MAP2: variants seen among roughly 807,000 people sequenced by gnomAD.
MAP2 encodes microtubule associated protein 2, also known as microtubule-associated protein 2.
A neutral mutation model predicts 137.6 loss-of-function variants in MAP2; 14 were observed. The ratio of observed to expected loss-of-function variants is 0.10; its 90% CI spans 0.07 to 0.16. The LOEUF (loss-of-function observed/expected upper bound fraction) is 0.16, where lower values mean the gene tolerates loss of function less well. Ranked by LOEUF, MAP2 falls within the 10% of genes least tolerant of loss-of-function variation. The pLI, the probability that MAP2 is intolerant of heterozygous loss-of-function variation, is 1.00. For synonymous variants in MAP2, 786 were observed against 782.3 expected, an observed-to-expected ratio of 1.00 and a Z score of -0.08; for missense variants, 2,088 against 2,191.5, an observed-to-expected ratio of 0.95 and a Z score of 0.94.
intron 5 of MAP2, among the ~76,000 whole-genome samples, chr2:209,663,329 G>T (rs1490116096): frequency 6.6e-6 from 1 of 152,124 alleles, no homozygotes; most frequent in Non-Finnish European, 1.5e-5. Context: ...TTGCAGACCT[G>T]GTAGCTTCAG....
Position 209,455,308 on chromosome 2 carries a change from TA to T in MAP2, c.-222+31033del, listed in dbSNP as rs149425597. ...GATAATCTGTCCAAGGTCACACAGA[TA>T]GTAAGTAATAAAGTTAGAATTTTAT... On this transcript the variant is annotated intron_variant, in intron 1 of 15. Transcript: ENST00000682079. Among the ~76,000 whole-genome samples the T allele has an allele frequency of 6.8e-3, 1,040 of 152,330 alleles. 29 individuals are homozygous for T. In the East Asian group the frequency reaches 0.081, roughly 12 times the overall value.
intron 4 of MAP2, among the ~76,000 whole-genome samples, chr2:209,648,570 G>C (rs1282006728): frequency 2.9e-5 from 4 of 137,604 alleles, no homozygotes; most frequent in Non-Finnish European, 4.6e-5. Flanking sequence ...GCTTTTCAGG[G>C]AAGAGAAATA....
rs1279006107 is a variant in MAP2, at chr2:209,653,405, C to G, written c.235C>G (p.Leu79Val). ...CAAAGAGAATGGGATCAACGGAGAGCTGACCTCAGCTGACAGAGAAACAGC... is the reference window on the plus strand; with the variant it reads ...CAAAGAGAATGGGATCAACGGAGAGGTGACCTCAGCTGACAGAGAAACAGC... Reference protein sequence around the residue: ...NTKENGINGELTSADRETAEE... With the variant: ...NTKENGINGEVTSADRETAEE... The change falls in exon 5 of 16, where the codon CTG becomes GTG. Residue 79 changes from leucine (L) to valine (V), a missense_variant. By Grantham distance (32) the Leu-to-Val change is conservative. This residue lies in a region of MAP2 where 859 missense variants were observed against 794.5 expected (regional missense o/e 1.08). Transcript: ENST00000682079. 1.2e-6 allele frequency: 2 copies of G among 1,603,684 alleles called. No individual in the cohort carries two copies. The highest frequency in any genetic ancestry group is 2.7e-5 in the African/African-American group (2 of 74,660).
At chr2:209,498,762 C>G (rs2150086332) in intron 1 of MAP2, among the ~76,000 whole-genome samples, 1 of 152,316 alleles carries the variant, frequency 6.6e-6, no homozygotes. Context: ...CAGGCTGCAG[C>G]CAGAGCTTCC....
At chr2:209,512,754 G>A (rs1335085818) in intron 2 of MAP2, among the ~76,000 whole-genome samples, 1 of 152,028 alleles carries the variant, frequency 6.6e-6, no homozygotes, top group African/African-American at 2.4e-5. Flanking sequence ...TGATTCTCCT[G>A]CCTCAGCCTC....
chr2:209,625,234 G>A (rs528993817), intron 4 of MAP2, 105 bp downstream of exon 4: 78 of 152,114 alleles, frequency 5.1e-4, no homozygotes, highest in African/African-American at 1.6e-3. Context: ...ATTCATTTTA[G>A]TAATGGAGAA....
chr2:209,488,131 G>A (rs2058621004), intron 1 of MAP2, among the ~76,000 whole-genome samples: 1 of 152,176 alleles, frequency 6.6e-6, no homozygotes, highest in South Asian at 2.1e-4. Flanking sequence ...AGCCCATGGA[G>A]GTCGAGCAGA....
At chr2:209,727,168 A>G (rs578099830) in intron 14 of MAP2, among the ~76,000 whole-genome samples, 2 of 152,356 alleles carry the variant, frequency 1.3e-5, no homozygotes, top group East Asian at 3.9e-4. Flanking sequence ...CTTCACTTAC[A>G]GTTTCAGAAC....
chr2:209,544,585 T>C (rs1038545763), intron 2 of MAP2, among the ~76,000 whole-genome samples: 3 of 152,202 alleles, frequency 2.0e-5, no homozygotes, highest in African/African-American at 7.2e-5. Context: ...AGCAAGTCAT[T>C]TTACCGATGA....
At chr2:209,723,618 C>T (rs373777510) in intron 13 of MAP2, 114 of 1,613,000 alleles carry the variant, frequency 7.1e-5, no homozygotes, top group East Asian at 8.9e-5. Context: ...ACAAGAAGAT[C>T]GATTTTAGCA....
At chr2:209,712,398 G>A (rs2065805123) in intron 13 of MAP2, among the ~76,000 whole-genome samples, 1 of 152,106 alleles carries the variant, frequency 6.6e-6, no homozygotes, top group Admixed American at 6.5e-5. Context: ...AGTGTCATTT[G>A]AAGCAAATAT....
At chr2:209,662,179 C>T (rs2043971251) in intron 5 of MAP2, among the ~76,000 whole-genome samples, 1 of 152,178 alleles carries the variant, frequency 6.6e-6, no homozygotes. Flanking sequence ...TTGTGAAGAG[C>T]AAGGCTCTAT....
intron 3 of MAP2, among the ~76,000 whole-genome samples, chr2:209,618,741 A>G (rs1280620233): frequency 6.6e-6 from 1 of 152,172 alleles, no homozygotes; most frequent in Non-Finnish European, 1.5e-5. Context: ...CAAAAAATTA[A>G]AAATAGAACT....
At chr2:209,683,391 G>C (rs2055608910) in intron 7 of MAP2, among the ~76,000 whole-genome samples, 1 of 151,816 alleles carries the variant, frequency 6.6e-6, no homozygotes, top group Admixed American at 6.6e-5. Flanking sequence ...ACCATTTTTT[G>C]AGTTTTAAGA....
At chr2:209,604,898 G>T (rs1160190980) in intron 3 of MAP2, among the ~76,000 whole-genome samples, 1 of 151,938 alleles carries the variant, frequency 6.6e-6, no homozygotes, top group Non-Finnish European at 1.5e-5. Flanking sequence ...AATTCTAATG[G>T]CCTCCCCATA....
intron 2 of MAP2, among the ~76,000 whole-genome samples, chr2:209,551,569 G>A (rs767508321): frequency 4.6e-5 from 7 of 152,134 alleles, no homozygotes; most frequent in Non-Finnish European, 1.0e-4. Flanking sequence ...CAGAATTAAC[G>A]TAGGCAAGCT....
In MAP2 at chr2:209,693,026, C is replaced by T; in HGVS notation, c.856C>T (p.Pro286Ser). 6.2e-7 allele frequency: 1 copy of T among 1,612,386 alleles called. No individual in the cohort carries two copies. The highest frequency in any genetic ancestry group is 1.1e-5 in the South Asian group (1 of 90,672). ...DEWGLVAPISPGPLTPMREKD... is the reference protein window; with the variant it reads ...DEWGLVAPISSGPLTPMREKD... ...GTGGGGTTTAGTTGCCCCCATATCTCCTGGCCCTCTGACTCCCATGAGGGA... is the reference window on the plus strand; with the variant it reads ...GTGGGGTTTAGTTGCCCCCATATCTTCTGGCCCTCTGACTCCCATGAGGGA... Residue 286 changes from proline to serine, a missense_variant, in exon 8 of 16, where the codon CCT becomes TCT. Physicochemically the swap from Pro to Ser is moderately conservative, Grantham distance 74. This residue lies in a region of MAP2 where 859 missense variants were observed against 794.5 expected (regional missense o/e 1.08). Transcript: ENST00000682079.
intron 4 of MAP2, among the ~76,000 whole-genome samples, chr2:209,636,928 A>C (rs534094189): frequency 1.3e-5 from 2 of 152,150 alleles, no homozygotes; most frequent in African/African-American, 4.8e-5. Flanking sequence ...TCTTTCTGGC[A>C]TCCAGGATCT....
In MAP2 at chr2:209,678,599, T is replaced by C; in HGVS notation, c.290T>C (p.Val97Ala). The part of the protein sequence containing the change: ...AEEVSARIVQ[V>A]VTAEAVAVLK... The stretch of plus-strand genomic sequence containing the variant: ...GAGGTGTCTGCAAGGATAGTTCAAG[T>C]AGTCACTGCTGAGGCTGTAGCAGTC... Residue 97 changes from valine to alanine, a missense_variant, in exon 6 of 16, where the codon GTA (valine) becomes GCA (alanine). Physicochemically the swap from Val to Ala is moderately conservative, Grantham distance 64. Transcript: ENST00000682079. 1 of 1,600,322 alleles carries C rather than the reference T, an allele frequency of 6.2e-7. No homozygotes were observed. Among genetic ancestry groups the C allele is most frequent in the Non-Finnish European group, 8.5e-7 (1 of 1,173,044 alleles).
Sources: gnomAD v4.1 joint callset for allele counts (sites outside exome capture counted in the v4.1 genomes callset) on GRCh38, gnomAD v4.1.1 for gene constraint, gnomAD v4.1.1 regional missense constraint, MANE v1.5 for transcripts, NCBI Gene and HGNC (gene_info 2026-07-23, HGNC 2026-07-21) for gene names.